The following FREM1 variants were observed in gnomAD, a reference collection of about 807,000 sequenced individuals.
FREM1 encodes the protein FRAS1-related extracellular matrix protein 1.
In FREM1, 220 loss-of-function variants were observed where a neutral mutation model predicts 210.1. The ratio of observed to expected loss-of-function variants is 1.05; its 90% CI spans 0.94 to 1.17. The LOEUF is 1.17. Ranked by LOEUF, FREM1 falls within the 50% of genes most tolerant of loss-of-function variation. FREM1 has a pLI of 0.00. For synonymous variants in FREM1, 1,189 were observed against 980.2 expected (o/e 1.21, Z -3.98); for missense variants, 3,454 against 2,675.5 (o/e 1.29, Z -6.42).
chr9:14,807,923 A>T lies in FREM1; in HGVS notation c.3088+17T>A, dbSNP rs760293711. On this transcript the variant is annotated intron_variant, in intron 17 of 36. Transcript: ENST00000380880. ...TAGGTCAGACAATAGTACTGGAACAAAAAAACACATTGTCACCTATTGCAA... is the reference window on the plus strand; with the variant it reads ...TAGGTCAGACAATAGTACTGGAACATAAAAACACATTGTCACCTATTGCAA... The T allele has an allele frequency of 6.3e-7, 1 of 1,596,348 alleles. No individual in the cohort carries two copies. Among genetic ancestry groups the T allele is most frequent in the Admixed American group, 1.7e-5 (1 of 59,778 alleles).
chr9:14,877,197 C>G (rs1408662700), intron 1 of FREM1, among the ~76,000 whole-genome samples: 2 of 152,068 alleles, frequency 1.3e-5, no homozygotes, highest in Non-Finnish European at 2.9e-5. Context: ...CACCTATGTG[C>G]TAATGGACCT....
chr9:14,752,930 G>A (rs948508994), intron 29 of FREM1, among the ~76,000 whole-genome samples: 7 of 152,130 alleles, frequency 4.6e-5, no homozygotes, highest in Admixed American at 6.5e-5. Context: ...GATGGTTAGG[G>A]GTTGGAGAAA....
intron 36 of FREM1, among the ~76,000 whole-genome samples, chr9:14,739,609 T>C (rs950773133): frequency 4.1e-4 from 62 of 149,618 alleles, no homozygotes; most frequent in Non-Finnish European, 1.2e-4. Flanking sequence ...TAATTGTTTT[T>C]ATTCTAAATT....
rs549877630 is a variant in FREM1, at chr9:14,745,215, C to T, written c.6254+1138G>A. Among the ~76,000 whole-genome samples the T allele has an allele frequency of 2.6e-5, 4 of 152,272 alleles. No homozygotes were observed. The East Asian group carries it at 7.7e-4, about 29-fold the overall frequency. ...ATAATCTCTACAACAAACCCCATGA[C>T]ATACCATTTACCCAGGTAACAAGCC... On this transcript the variant is annotated intron_variant, in intron 35 of 36. Transcript: ENST00000380880.
chr9:14,811,915 G>A (rs1240432503), intron 16 of FREM1, among the ~76,000 whole-genome samples: 1 of 152,076 alleles, frequency 6.6e-6, no homozygotes, highest in African/African-American at 2.4e-5. Flanking sequence ...GTTTAAAGAG[G>A]CATATGGATG....
chr9:14,836,466 C>T lies in FREM1; in HGVS notation c.1881+4981G>A, dbSNP rs1824630600. Among the ~76,000 whole-genome samples, 1 of 152,178 alleles carries T rather than the reference C, an allele frequency of 6.6e-6. No individual in the cohort carries two copies. Among genetic ancestry groups the T allele is most frequent in the Non-Finnish European group, 1.5e-5 (1 of 68,030 alleles). On this transcript the variant is annotated intron_variant, in intron 10 of 36. Transcript: ENST00000380880. The surrounding 1 kb of genome is among the most constrained non-coding windows in gnomAD (Gnocchi z 4.9). ...ACCTAGTAAAGGAAAGGAAAATCTA[C>T]AGGTACTTAAAAATCAAATCAAAAT...
intron 17 of FREM1, among the ~76,000 whole-genome samples, 184 bp from the exon 18 acceptor site, chr9:14,807,030 G>C (rs1818496749): frequency 6.6e-6 from 1 of 152,188 alleles, no homozygotes; most frequent in Non-Finnish European, 1.5e-5. Context: ...GAGTGGTAAT[G>C]AGTGAATTTA....
intron 3 of FREM1, among the ~76,000 whole-genome samples, chr9:14,861,503 CTTT>C (rs775845478): frequency 2.6e-5 from 3 of 114,858 alleles, no homozygotes; most frequent in East Asian, 2.9e-4. Context: ...AGCATTTATC[CTTT>C]TTTTTTTTTT....
chr9:14,825,032 A>G, intron 10 of FREM1, 40 bp from the exon 11 acceptor site: 2 of 1,407,080 alleles, frequency 1.4e-6, no homozygotes, highest in Non-Finnish European at 1.9e-6. Context: ...TGAAATACCA[A>G]AAAAACAACA....
intron 10 of FREM1, among the ~76,000 whole-genome samples, chr9:14,830,738 T>C (rs1027739204): frequency 1.3e-5 from 2 of 152,136 alleles, no homozygotes; most frequent in African/African-American, 4.8e-5. Context: ...ACTCCACGTG[T>C]GTCCGTGTCG....
intron 3 of FREM1, among the ~76,000 whole-genome samples, chr9:14,860,457 G>C (rs555640138): frequency 6.6e-6 from 1 of 151,834 alleles, no homozygotes; most frequent in Non-Finnish European, 1.5e-5. Context: ...AGGAGTAGAA[G>C]AAGCAAGCAT....
chr9:14,811,842 T>C lies in FREM1; in HGVS notation c.2893+970A>G, dbSNP rs190928763. ...AAATGATTTGAATTCTGAAAGTTCT[T>C]ATTTCCTATACCACTCACCTGGCCT... On this transcript the variant is annotated intron_variant, in intron 16 of 36. Coordinates refer to ENST00000380880, the MANE Select transcript of FREM1 (RefSeq NM_001379081.2). Among the ~76,000 whole-genome samples, 412 of 152,290 alleles carry C rather than the reference T, an allele frequency of 2.7e-3. 1 individual carries two copies. The highest frequency in any genetic ancestry group is 4.6e-3 in the Non-Finnish European group (315 of 68,028).
At chr9:14,825,304 A>G (rs1160339390) in intron 10 of FREM1, among the ~76,000 whole-genome samples, 1 of 151,676 alleles carries the variant, frequency 6.6e-6, no homozygotes, top group African/African-American at 2.4e-5. Flanking sequence ...CCTGGCCAAC[A>G]TAGTGAAACC....
At chr9:14,756,617 T>G (rs929192953) in intron 28 of FREM1, among the ~76,000 whole-genome samples, 171 bp from the exon 29 acceptor site, 2 of 152,204 alleles carry the variant, frequency 1.3e-5, no homozygotes, top group Admixed American at 1.3e-4. Flanking sequence ...CAACATGCAT[T>G]TTCCTTAAAG....
intron 13 of FREM1, among the ~76,000 whole-genome samples, chr9:14,820,860 G>A (rs1172253465): frequency 6.6e-6 from 1 of 152,178 alleles, no homozygotes; most frequent in Non-Finnish European, 1.5e-5. Context: ...AGAGAGGAGT[G>A]TTGTCTTCGA....
Position 14,879,041 on chromosome 9 carries a change from G to C in FREM1, c.-267-9797C>G, listed in dbSNP as rs945037806. ...GCATCGTGGCAGGCGCCTGTAATCTGAGCTACTTAGGAGGCTGAGGCAGGA... is the reference window on the plus strand; with the variant it reads ...GCATCGTGGCAGGCGCCTGTAATCTCAGCTACTTAGGAGGCTGAGGCAGGA... On this transcript the variant is annotated intron_variant, in intron 1 of 36. Transcript: ENST00000380880. 6.6e-5 allele frequency among the ~76,000 whole-genome samples: 10 copies of C among 151,434 alleles called. No individual in the cohort carries two copies. The Middle Eastern group carries it at 0.01, about 155-fold the overall frequency.
intron 10 of FREM1, among the ~76,000 whole-genome samples, chr9:14,838,747 A>G (rs1370854089): frequency 6.6e-6 from 1 of 152,212 alleles, no homozygotes; most frequent in Non-Finnish European, 1.5e-5. Flanking sequence ...ATTGAAATGA[A>G]TAATTCCGGG....
At chr9:14,760,512 A>T (rs1845296967) in intron 27 of FREM1, among the ~76,000 whole-genome samples, 1 of 152,226 alleles carries the variant, frequency 6.6e-6, no homozygotes, top group Non-Finnish European at 1.5e-5. Flanking sequence ...TAACTAAATA[A>T]ACCTGAGAAA....
At position 14,746,984 on chromosome 9, in the gene FREM1, C is replaced by G. The variant is rs1205220382; in HGVS notation, c.6077G>C (p.Gly2026Ala). ...ATTGCACTGATACAGCTTCTGGATGCCTTCTTCAAAATGGAAGAGTCCCTT... is the reference window on the plus strand; with the variant it reads ...ATTGCACTGATACAGCTTCTGGATGGCTTCTTCAAAATGGAAGAGTCCCTT... ...ELKGLFHFEE[G>A]IQKLYQCNGI... is the part of the protein sequence containing the mutation. Residue 2026 changes from glycine (G) to alanine (A), a missense_variant, in exon 34 of 37, where the codon GGC becomes GCC. Coordinates refer to ENST00000380880, the MANE Select transcript of FREM1 (RefSeq NM_001379081.2). The G allele has an allele frequency of 6.2e-7, 1 of 1,613,222 alleles. No individual in the cohort carries two copies. The highest frequency in any genetic ancestry group is 1.1e-5 in the South Asian group (1 of 90,902).
Sources: gnomAD v4.1 joint callset for allele counts (sites outside exome capture counted in the v4.1 genomes callset) on GRCh38, gnomAD v4.1.1 for gene constraint, Gnocchi (gnomAD v3.1) non-coding constraint, MANE v1.5 for transcripts, NCBI Gene and HGNC (gene_info 2026-07-23, HGNC 2026-07-21) for gene names.